The following CYSTM1 variants were observed in gnomAD, a reference collection of about 807,000 sequenced individuals.
CYSTM1 encodes the protein cysteine rich transmembrane module containing 1.
In CYSTM1, 4 loss-of-function variants were observed where a neutral mutation model predicts 13.1. That is an observed-to-expected ratio of 0.31 (90% confidence interval 0.15 to 0.70). The LOEUF is 0.70. Among genes scored for constraint, CYSTM1 ranks in the 30% least tolerant of loss-of-function variants. The pLI is 0.72. For missense variants in CYSTM1, 96 were observed against 121.6 expected (o/e 0.79, Z 0.99); for synonymous variants, 36 against 42.7 (o/e 0.84, Z 0.62).
At position 140,205,520 on chromosome 5, in the gene CYSTM1, T is replaced by G. The variant is rs73254764; in HGVS notation, c.187+10868T>G. Reference sequence around the variant, plus strand: ...CCTTCTTTCTTTGCCAGGTATCAGATGACAGAATGTCCCAACAAGGACACT... The same window carrying G: ...CCTTCTTTCTTTGCCAGGTATCAGAGGACAGAATGTCCCAACAAGGACACT... On this transcript the variant is annotated intron_variant, in intron 2 of 2. Transcript: ENST00000261811. Among the ~76,000 whole-genome samples the G allele has an allele frequency of 8.8e-3, 1,336 of 152,318 alleles. 17 individuals carry two copies. Among genetic ancestry groups the G allele is most frequent in the African/African-American group, 0.03 (1,261 of 41,554 alleles).
chr5:140,202,451 T>C (rs1764244919), intron 2 of CYSTM1: 1 of 152,198 alleles, frequency 6.6e-6, no homozygotes, highest in Admixed American at 6.5e-5. Flanking sequence ...ATGTATGTTT[T>C]GGTTATCTAT....
At chr5:140,210,165 G>A (rs992576297) in intron 2 of CYSTM1, among the ~76,000 whole-genome samples, 6 of 151,834 alleles carry the variant, frequency 4.0e-5, no homozygotes, top group Admixed American at 2.0e-4. Flanking sequence ...TTGTTTATAC[G>A]CACATGTCAT....
At chr5:140,192,024 G>T (rs1221990907) in intron 1 of CYSTM1, among the ~76,000 whole-genome samples, 1 of 152,172 alleles carries the variant, frequency 6.6e-6, no homozygotes, top group Admixed American at 6.5e-5. Context: ...AGAAGGGAAA[G>T]AACTCTACTT....
chr5:140,235,793 A>G (rs1289758329), intron 2 of CYSTM1, among the ~76,000 whole-genome samples: 1 of 152,170 alleles, frequency 6.6e-6, no homozygotes, highest in Non-Finnish European at 1.5e-5. Context: ...TGACAGTGAC[A>G]TCTTCCCCAG....
chr5:140,222,984 T>C (rs1432844007), intron 2 of CYSTM1, among the ~76,000 whole-genome samples: 1 of 152,270 alleles, frequency 6.6e-6, no homozygotes, highest in African/African-American at 2.4e-5. Context: ...GTACATATCC[T>C]GGCCTGTAGT....
chr5:140,228,251 T>C (rs752356928), intron 2 of CYSTM1, among the ~76,000 whole-genome samples: 4 of 152,208 alleles, frequency 2.6e-5, no homozygotes, highest in Non-Finnish European at 4.4e-5. Flanking sequence ...TAAATTCTCC[T>C]TCAAAGAGAT....
chr5:140,212,713 T>A (rs1764382518), intron 2 of CYSTM1, among the ~76,000 whole-genome samples: 2 of 152,030 alleles, frequency 1.3e-5, no homozygotes, highest in Non-Finnish European at 2.9e-5. Context: ...ACACCTGTAA[T>A]CCCAGCACTT....
At chr5:140,191,929 T>G (rs1212146160) in intron 1 of CYSTM1, among the ~76,000 whole-genome samples, 1 of 152,220 alleles carries the variant, frequency 6.6e-6, no homozygotes, top group South Asian at 2.1e-4. Flanking sequence ...CAAATTCATA[T>G]GATAATTGTA....
In CYSTM1 at chr5:140,219,868, T is replaced by C. The variant is rs962892403; in HGVS notation, c.188-23437T>C. On this transcript the variant is annotated intron_variant, in intron 2 of 2. Coordinates refer to ENST00000261811, the MANE Select transcript of CYSTM1 (RefSeq NM_032412.4). This position sits in a 1 kb window ranked among gnomAD's most constrained non-coding sequence, Gnocchi z 4.1. ...AGAGTAGTCTGTGCCTGCCTGTGCCTGGACACTAATTGGAAAAACCCAACA... is the reference window on the plus strand; with the variant it reads ...AGAGTAGTCTGTGCCTGCCTGTGCCCGGACACTAATTGGAAAAACCCAACA... Among the ~76,000 whole-genome samples the C allele has an allele frequency of 2.6e-5, 4 of 152,226 alleles. No homozygotes were observed. The highest frequency in any genetic ancestry group is 9.6e-5 in the African/African-American group (4 of 41,452).
At chr5:140,199,480 C>G (rs201594197) in intron 2 of CYSTM1, among the ~76,000 whole-genome samples, 2 of 152,064 alleles carry the variant, frequency 1.3e-5, no homozygotes, top group African/African-American at 4.8e-5. Flanking sequence ...TGTTTCCTGA[C>G]TTTTTATTGT....
chr5:140,188,664 A>G (rs1764052575), intron 1 of CYSTM1, among the ~76,000 whole-genome samples: 1 of 151,822 alleles, frequency 6.6e-6, no homozygotes, highest in Non-Finnish European at 1.5e-5. Context: ...CTGTAGTCTC[A>G]GCTACTCGGG....
At chr5:140,202,471 A>G (rs1184753324) in intron 2 of CYSTM1, 1 of 152,208 alleles carries the variant, frequency 6.6e-6, no homozygotes, top group Non-Finnish European at 1.5e-5. Context: ...TTGTTACGTC[A>G]CAAACCACCC....
chr5:140,212,221 C>T (rs751469430), intron 2 of CYSTM1, among the ~76,000 whole-genome samples: 1 of 152,024 alleles, frequency 6.6e-6, no homozygotes, highest in Non-Finnish European at 1.5e-5. Context: ...AGTCATGCAC[C>T]GCCGCATAAG....
intron 2 of CYSTM1, among the ~76,000 whole-genome samples, chr5:140,232,499 C>G (rs1312156593): frequency 6.6e-6 from 1 of 152,122 alleles, no homozygotes; most frequent in Non-Finnish European, 1.5e-5. Flanking sequence ...GTCCTGAGAG[C>G]TGAGTGAAGA....
intron 2 of CYSTM1, chr5:140,201,103 T>C (rs1230245484): frequency 1.3e-5 from 2 of 152,212 alleles, no homozygotes; most frequent in Non-Finnish European, 1.5e-5. Flanking sequence ...ATTTAGGTTG[T>C]TTCTACTTTA....
At chr5:140,200,848 C>G (rs954305126) in intron 2 of CYSTM1, 1 of 152,166 alleles carries the variant, frequency 6.6e-6, no homozygotes, top group Non-Finnish European at 1.5e-5. Flanking sequence ...CGTGAGCCAT[C>G]GCGCCCGGCC....
chr5:140,236,762 T>C (rs1764685322), intron 2 of CYSTM1, among the ~76,000 whole-genome samples: 1 of 152,204 alleles, frequency 6.6e-6, no homozygotes, highest in African/African-American at 2.4e-5. Flanking sequence ...TCGGCTCAGG[T>C]CTGCCCAACT....
intron 2 of CYSTM1, among the ~76,000 whole-genome samples, chr5:140,220,769 A>G (rs1764479264): frequency 6.6e-6 from 1 of 152,042 alleles, no homozygotes; most frequent in African/African-American, 2.4e-5. Context: ...AGAGTCTTCA[A>G]GCAGGAGGGC....
chr5:140,183,145 A>G (rs1005933873), intron 1 of CYSTM1, among the ~76,000 whole-genome samples: 1 of 152,224 alleles, frequency 6.6e-6, no homozygotes, highest in African/African-American at 2.4e-5. Flanking sequence ...CCTGTCTTTC[A>G]GGGGCTGGGC....
Sources: gnomAD v4.1 joint callset for allele counts (sites outside exome capture counted in the v4.1 genomes callset) on GRCh38, gnomAD v4.1.1 for gene constraint, Gnocchi (gnomAD v3.1) non-coding constraint, MANE v1.5 for transcripts, NCBI Gene and HGNC (gene_info 2026-07-23, HGNC 2026-07-21) for gene names.